The following WAPL variants were observed in gnomAD, a reference collection of about 807,000 sequenced individuals.
WAPL encodes WAPL cohesin release factor, also known as wings apart-like protein homolog.
WAPL carries 5 observed loss-of-function variants against 121.0 expected under a neutral mutation model. The observed-to-expected ratio is 0.04, with a 90% CI of 0.02 to 0.09. The LOEUF (loss-of-function observed/expected upper bound fraction) is 0.09, where lower values mean the gene tolerates loss of function less well. WAPL is among the 10% of genes least tolerant of loss of function. The pLI is 1.00. For missense variants in WAPL, 999 were observed against 1,410.8 expected, an observed-to-expected ratio of 0.71 and a Z score of 4.68; for synonymous variants, 480 against 481.5, an observed-to-expected ratio of 1.00 and a Z score of 0.04.
intron 2 of WAPL, among the ~76,000 whole-genome samples, chr10:86,508,002 ATATTCTG>A (rs1842385696): frequency 6.6e-6 from 1 of 152,206 alleles, no homozygotes; most frequent in East Asian, 1.9e-4. Flanking sequence ...ATCTTATCCA[ATATTCTG>A]TATTCTGTCC....
intron 4 of WAPL, among the ~76,000 whole-genome samples, chr10:86,493,027 C>T (rs1842079883): frequency 6.7e-6 from 1 of 150,194 alleles, no homozygotes; most frequent in African/African-American, 2.5e-5. Context: ...CACCACTGCA[C>T]TCGAGCCTGG....
chr10:86,455,272 C>G (rs547113497), intron 12 of WAPL, among the ~76,000 whole-genome samples: 7 of 152,298 alleles, frequency 4.6e-5, no homozygotes, highest in African/African-American at 1.7e-4. Context: ...AAAAGAAAAT[C>G]AGATTGTTAT....
intron 2 of WAPL, among the ~76,000 whole-genome samples, chr10:86,503,418 A>G (rs1051002553): frequency 2.0e-5 from 3 of 152,112 alleles, no homozygotes; most frequent in Non-Finnish European, 2.9e-5. Flanking sequence ...CTGCCATTAC[A>G]TGAAACCTGC....
intron 17 of WAPL, among the ~76,000 whole-genome samples, chr10:86,438,719 T>C (rs181840069): frequency 8.8e-4 from 134 of 152,132 alleles, no homozygotes; most frequent in African/African-American, 3.0e-3. Context: ...CAAAGAAAAA[T>C]TCACATCCTT....
At chr10:86,437,729 G>C in intron 18 of WAPL, 121 bp from the exon 19 acceptor site, 2 of 1,133,188 alleles carry the variant, frequency 1.8e-6, no homozygotes, top group South Asian at 3.2e-5. Context: ...AGTACACCGA[G>C]ATTAAATTGT....
chr10:86,506,992 TTC>T (rs1215271409), intron 2 of WAPL, among the ~76,000 whole-genome samples: 3 of 151,514 alleles, frequency 2.0e-5, no homozygotes, highest in Non-Finnish European at 4.4e-5. Context: ...CCTTCTTGGC[TTC>T]TCTGATTTTC....
At chr10:86,439,030 T>C (rs1246530667) in intron 17 of WAPL, among the ~76,000 whole-genome samples, 1 of 152,124 alleles carries the variant, frequency 6.6e-6, no homozygotes, top group Non-Finnish European at 1.5e-5. Context: ...CTGTCCCAAG[T>C]TTGGGGACAC....
intron 17 of WAPL, among the ~76,000 whole-genome samples, chr10:86,440,464 T>G (rs1005136131): frequency 1.3e-4 from 20 of 151,530 alleles, no homozygotes; most frequent in Admixed American, 1.2e-3. Flanking sequence ...ATTTTTTTTT[T>G]GTATTTTTAG....
intron 4 of WAPL, among the ~76,000 whole-genome samples, chr10:86,493,554 G>A (rs951006461): frequency 6.6e-6 from 1 of 152,044 alleles, no homozygotes; most frequent in Non-Finnish European, 1.5e-5. Context: ...TTAAGAGACA[G>A]GGTCTCACTC....
rs1176706594 is a variant in WAPL, at chr10:86,517,488, T to C, written c.499+83A>G. 1.9e-5 allele frequency: 28 copies of C among 1,463,360 alleles called. No homozygotes were observed. The East Asian group carries it at 6.9e-4, about 36-fold the overall frequency. 90.6% of individuals were successfully genotyped at this position (1,463,360 alleles called of 1,614,324 possible). A position where few individuals can be genotyped will look rare whatever the true frequency, so the allele number is the denominator to read the frequency against. ...TCATAAGTGCAGAAAGAAAACACAA[T>C]ATATATTTTAGAATTTAAATCATTT... On this transcript the variant is annotated intron_variant, in intron 2 of 18. Transcript: ENST00000298767.
At position 86,508,240 on chromosome 10, in the gene WAPL, T is replaced by C. The variant is rs529313536; in HGVS notation, c.500-7497A>G. The stretch of plus-strand genomic sequence containing the variant: ...CCCCCCAAGTTACCCTGCCTTTCTT[T>C]GTCCCTTTCAGTAATAACCTCTTTG... On this transcript the variant is annotated intron_variant, in intron 2 of 18. Coordinates refer to ENST00000298767, the MANE Select transcript of WAPL (RefSeq NM_015045.5). Among the ~76,000 whole-genome samples, 25 of 152,328 alleles carry C rather than the reference T, an allele frequency of 1.6e-4. No individual in the cohort carries two copies. In the South Asian group the frequency reaches 5.2e-3, roughly 32 times the overall value.
chr10:86,448,300 ACTTAG>A lies in WAPL; in HGVS notation c.3115-1856_3115-1852del, dbSNP rs1840886672. 2.0e-5 allele frequency among the ~76,000 whole-genome samples: 3 copies of A among 152,026 alleles called. No homozygotes were observed. The South Asian group carries it at 6.2e-4, about 32-fold the overall frequency. On this transcript the variant is annotated intron_variant, in intron 15 of 18. Transcript: ENST00000298767. ...GAGACCTCAGCTCTACAAATACGAA[ACTTAG>A]CCAAACGTGGTGGCATGTGCCTGTA...
chr10:86,437,525 G>A lies in WAPL; in HGVS notation c.*18C>T. The A allele has an allele frequency of 6.2e-7, 1 of 1,612,248 alleles. No homozygotes were observed. The highest frequency in any genetic ancestry group is 8.5e-7 in the Non-Finnish European group (1 of 1,179,268). ...ATAGCTCCAGCATTACCGAGCACCTGAAGCAAAGGTAAAGCAGCTAGCAAT... is the reference window on the plus strand; with the variant it reads ...ATAGCTCCAGCATTACCGAGCACCTAAAGCAAAGGTAAAGCAGCTAGCAAT... On this transcript the variant is annotated 3_prime_UTR_variant, in exon 19 of 19. Coordinates refer to ENST00000298767, the MANE Select transcript of WAPL (RefSeq NM_015045.5).
In WAPL at chr10:86,443,317, G is replaced by C. The variant is rs1192547996; in HGVS notation, c.3369C>G (p.Ser1123=). 2.5e-6 allele frequency: 4 copies of C among 1,614,028 alleles called. No individual in the cohort carries two copies. The highest frequency in any genetic ancestry group is 2.2e-5 in the East Asian group (1 of 44,878). The part of the protein sequence containing the change: ...GKHMEDCIVA[S]YTALLLGCLC... ...GACACCCAAGAAGTAGTGCTGTGTA[G>C]GAGGCCACAATGCAATCCTCCATGT... The change falls in exon 17 of 19, where the codon TCC becomes TCG. Residue 1123 remains serine, a synonymous_variant. Transcript: ENST00000298767.
chr10:86,462,540 T>C (rs1841306687), intron 9 of WAPL, among the ~76,000 whole-genome samples: 1 of 151,840 alleles, frequency 6.6e-6, no homozygotes, highest in Non-Finnish European at 1.5e-5. Context: ...GCCAACATGG[T>C]AAAACCCCAT....
At chr10:86,450,551 T>G (rs1314140716) in intron 15 of WAPL, among the ~76,000 whole-genome samples, 13 of 152,200 alleles carry the variant, frequency 8.5e-5, no homozygotes, top group Non-Finnish European at 2.9e-5. Context: ...ATGCTTCATT[T>G]AGCAGAAAAA....
chr10:86,496,270 T>C (rs1258615994), intron 4 of WAPL, among the ~76,000 whole-genome samples: 2 of 152,134 alleles, frequency 1.3e-5, no homozygotes, highest in Non-Finnish European at 2.9e-5. Flanking sequence ...CATTAGGCTA[T>C]TATCAAAAAA....
In WAPL at chr10:86,500,053, C is replaced by G; in HGVS notation, c.1190G>C (p.Arg397Pro). ...TGCAATATCTGCCTTTTTTCTGAGA[C>G]GACCAGCTTCTCCCAAATCTGCAGG... is the stretch of plus-strand genomic sequence containing the variant. ...STPADLGEAG[R>P]LRKKADIATS... Residue 397 changes from arginine to proline, a missense_variant, in exon 3 of 19, where the codon CGT becomes CCT. Arg to Pro is a moderately radical substitution (Grantham distance 103, BLOSUM62 -2). Around this residue, in one of 7 missense-constraint regions of WAPL, gnomAD observed 531 missense variants for 563.1 expected, o/e 0.94. Transcript: ENST00000298767. 10 of 1,613,994 alleles carry G rather than the reference C, an allele frequency of 6.2e-6. No individual in the cohort carries two copies. The highest frequency in any genetic ancestry group is 8.5e-6 in the Non-Finnish European group (10 of 1,179,992).
chr10:86,444,173 T>C (rs1007191340), intron 16 of WAPL: 2 of 152,232 alleles, frequency 1.3e-5, no homozygotes, highest in African/African-American at 4.8e-5. Context: ...AGATATCATG[T>C]CACGCCCACT....
Sources: allele counts gnomAD v4.1 joint callset (sites outside exome capture counted in the v4.1 genomes callset), GRCh38; gene constraint gnomAD v4.1.1; regional missense constraint gnomAD v4.1.1; transcripts MANE v1.5; gene names NCBI Gene and HGNC (gene_info 2026-07-23, HGNC 2026-07-21).